Variants in GPC5 observed in about 807,000 individuals in gnomAD.
GPC5 encodes the protein glypican 5.
A neutral mutation model predicts 53.9 loss-of-function variants in GPC5; 47 were observed. The observed-to-expected ratio is 0.87, with a 90% CI of 0.69 to 1.11. The LOEUF (loss-of-function observed/expected upper bound fraction) is 1.11, where lower values mean the gene tolerates loss of function less well. GPC5 is among the 50% of genes most tolerant of loss of function. The pLI, the probability that GPC5 is intolerant of heterozygous loss-of-function variation, is 0.00. For synonymous variants in GPC5, 286 were observed against 263.3 expected, an observed-to-expected ratio of 1.09 and a Z score of -0.84; for missense variants, 748 against 713.1, an observed-to-expected ratio of 1.05 and a Z score of -0.56.
chr13:91,645,835 A>G (rs930641552), intron 2 of GPC5, among the ~76,000 whole-genome samples: 1 of 152,200 alleles, frequency 6.6e-6, no homozygotes, highest in East Asian at 1.9e-4. Context: ...CTGATTCAGC[A>G]TATCTGGGGG....
At chr13:91,792,002 T>G (rs1390741372) in intron 5 of GPC5, among the ~76,000 whole-genome samples, 1 of 152,248 alleles carries the variant, frequency 6.6e-6, no homozygotes, top group African/African-American at 2.4e-5. Context: ...AACTATCACT[T>G]TCTTCTTTCA....
At chr13:92,862,710 C>T (rs1183114809) in intron 7 of GPC5, among the ~76,000 whole-genome samples, 3 of 152,076 alleles carry the variant, frequency 2.0e-5, no homozygotes, top group Non-Finnish European at 4.4e-5. Context: ...TGTAAGTACA[C>T]ACTGTATATT....
At chr13:91,959,057 A>AACACACACAC (rs147785443) in intron 6 of GPC5, among the ~76,000 whole-genome samples, 107 of 127,718 alleles carry the variant, frequency 8.4e-4, no homozygotes, top group East Asian at 1.8e-3. Context: ...GAATGGAGAC[A>AACACACACAC]ACACACACAC....
chr13:92,579,322 C>CCTCTCT (rs911678107), intron 7 of GPC5, among the ~76,000 whole-genome samples: 7 of 95,948 alleles, frequency 7.3e-5, no homozygotes, highest in East Asian at 3.1e-4. Flanking sequence ...TCCCTCCCTC[C>CCTCTCT]CTCTCTCTCT....
chr13:92,232,379 A>C (rs1303466084), intron 7 of GPC5, among the ~76,000 whole-genome samples: 1 of 152,226 alleles, frequency 6.6e-6, no homozygotes, highest in Non-Finnish European at 1.5e-5. Flanking sequence ...GGCCACCAGG[A>C]ATATTACAAG....
chr13:92,406,691 G>C (rs7985054), intron 7 of GPC5, among the ~76,000 whole-genome samples: 58,187 of 151,930 alleles, frequency 0.38, 11,437 homozygotes, highest in Non-Finnish European at 0.42. Flanking sequence ...CATAGTTTTC[G>C]CAGTCAATTG....
intron 7 of GPC5, among the ~76,000 whole-genome samples, chr13:92,316,472 G>T (rs1238730062): frequency 6.6e-6 from 1 of 151,740 alleles, no homozygotes; most frequent in Non-Finnish European, 1.5e-5. Context: ...TTACTTTTTT[G>T]CCATGAAATG....
At chr13:92,750,221 A>G (rs1486723574) in intron 7 of GPC5, among the ~76,000 whole-genome samples, 1 of 152,050 alleles carries the variant, frequency 6.6e-6, no homozygotes, top group Non-Finnish European at 1.5e-5. Flanking sequence ...AAGACTCTAG[A>G]AAAAAAAGTT....
intron 2 of GPC5, among the ~76,000 whole-genome samples, chr13:91,453,455 A>C (rs568275754): frequency 6.6e-6 from 1 of 152,200 alleles, no homozygotes; most frequent in East Asian, 1.9e-4. Context: ...AGATTTATAT[A>C]AATGTTACAA....
At chr13:92,843,179 C>CTA (rs1310025142) in intron 7 of GPC5, among the ~76,000 whole-genome samples, 5 of 152,056 alleles carry the variant, frequency 3.3e-5, no homozygotes, top group African/African-American at 1.2e-4. Flanking sequence ...AAAACACAGC[C>CTA]TATATATTCC....
intron 1 of GPC5, among the ~76,000 whole-genome samples, chr13:91,437,546 C>T (rs1174090796): frequency 7.2e-5 from 11 of 152,234 alleles, no homozygotes; most frequent in Admixed American, 2.6e-4. Context: ...GAGTTTCTGC[C>T]GAGATATCAG....
chr13:91,901,699 C>T (rs181792461), intron 5 of GPC5, among the ~76,000 whole-genome samples: 57 of 152,144 alleles, frequency 3.7e-4, no homozygotes, highest in Non-Finnish European at 2.2e-4. Flanking sequence ...AAGCAGTTCA[C>T]CTTCACTGAT....
chr13:92,172,912 G>A (rs2042080663), intron 7 of GPC5, among the ~76,000 whole-genome samples: 1 of 150,412 alleles, frequency 6.6e-6, no homozygotes, highest in Admixed American at 6.7e-5. Flanking sequence ...TATAGTTCTA[G>A]GGTTTTTTTA....
At chr13:92,705,382 A>C (rs2139259144) in intron 7 of GPC5, among the ~76,000 whole-genome samples, 1 of 152,274 alleles carries the variant, frequency 6.6e-6, no homozygotes, top group Admixed American at 6.5e-5. Context: ...TATTCTGAGT[A>C]AGTTTTTATA....
intron 7 of GPC5, among the ~76,000 whole-genome samples, chr13:92,736,236 A>T (rs895377032): frequency 6.6e-6 from 1 of 152,006 alleles, no homozygotes; most frequent in African/African-American, 2.4e-5. Context: ...TCCAAAGTAA[A>T]TGTATTAATC....
intron 7 of GPC5, among the ~76,000 whole-genome samples, chr13:92,721,884 T>C (rs1888517573): frequency 6.6e-6 from 1 of 151,968 alleles, no homozygotes; most frequent in South Asian, 2.1e-4. Context: ...GTCATTTCCA[T>C]TATAAAACTG....
At chr13:91,679,965 G>A (rs1027466937) in intron 2 of GPC5, among the ~76,000 whole-genome samples, 1 of 151,772 alleles carries the variant, frequency 6.6e-6, no homozygotes, top group African/African-American at 2.4e-5. Context: ...GTGATTGACA[G>A]GCAAGCTATG....
chr13:92,603,615 T>C (rs539846067), intron 7 of GPC5, among the ~76,000 whole-genome samples: 48 of 152,276 alleles, frequency 3.2e-4, no homozygotes, highest in African/African-American at 1.1e-3. Flanking sequence ...GATAGATCTC[T>C]TTCATGGTTG....
At chr13:91,617,252 G>C (rs912408531) in intron 2 of GPC5, among the ~76,000 whole-genome samples, 13 of 152,166 alleles carry the variant, frequency 8.5e-5, no homozygotes, top group South Asian at 2.1e-4. Flanking sequence ...CTATGTATGA[G>C]AGTGAAATGG....
Sources: allele counts gnomAD v4.1 joint callset (sites outside exome capture counted in the v4.1 genomes callset), GRCh38; gene constraint gnomAD v4.1.1; transcripts MANE v1.5; gene names NCBI Gene and HGNC (gene_info 2026-07-23, HGNC 2026-07-21).